The following GPD2 variants were observed in gnomAD, a reference collection of about 807,000 sequenced individuals.
GPD2 encodes the protein glycerol-3-phosphate dehydrogenase 2.
GPD2 carries 54 observed loss-of-function variants against 82.4 expected under a neutral mutation model. That is an observed-to-expected ratio of 0.66 (90% CI 0.53 to 0.82). GPD2 has a LOEUF of 0.82. GPD2 is among the 40% of genes least tolerant of loss of function. GPD2 has a pLI of 0.00. For synonymous variants in GPD2, 288 were observed against 306.1 expected (o/e 0.94, Z 0.62); for missense variants, 748 against 896.2 (o/e 0.83, Z 2.11).
chr2:156,584,229 A>T lies in GPD2; in HGVS notation c.*1311A>T, dbSNP rs1574028531. On this transcript the variant is annotated 3_prime_UTR_variant, in exon 17 of 17. Transcript: ENST00000438166. ...GGTGGCATTTTAACTAGTTATCTGA[A>T]TATTTATTAATCGTACTTCCTCTTG... 6.6e-6 allele frequency: 1 copy of T among 151,986 alleles called. No individual in the cohort carries two copies. Among genetic ancestry groups the T allele is most frequent in the Non-Finnish European group, 1.5e-5 (1 of 67,944 alleles). 9.4% of individuals were successfully genotyped at this position (151,986 alleles called of 1,614,324 possible).
intron 2 of GPD2, among the ~76,000 whole-genome samples, chr2:156,489,790 TC>T (rs1684101045): frequency 2.4e-4 from 1 of 4,222 alleles, no homozygotes; most frequent in East Asian, 6.4e-3. Context: ...TCCCCTCCGC[TC>T]CCCTTCCTTC....
chr2:156,493,987 G>A (rs1270797344), intron 2 of GPD2, among the ~76,000 whole-genome samples: 1 of 145,390 alleles, frequency 6.9e-6, no homozygotes, highest in East Asian at 2.1e-4. Context: ...TAGATGGAAG[G>A]CAAAGACCAT....
upstream of GPD2, chr2:156,435,616 G>T (rs1433052350): frequency 6.6e-6 from 1 of 152,298 alleles, no homozygotes; most frequent in Non-Finnish European, 1.5e-5. Flanking sequence ...ACATTCAGGC[G>T]GGGAGCCAGG....
At chr2:156,461,787 T>G (rs1558910158) in intron 1 of GPD2, among the ~76,000 whole-genome samples, 1 of 152,232 alleles carries the variant, frequency 6.6e-6, no homozygotes, top group Non-Finnish European at 1.5e-5. Flanking sequence ...TTTTTGTCTT[T>G]TCCAATCCAT....
chr2:156,470,358 G>A (rs1178075092), intron 1 of GPD2, among the ~76,000 whole-genome samples: 1 of 151,972 alleles, frequency 6.6e-6, no homozygotes, highest in East Asian at 1.9e-4. Flanking sequence ...ACCATGCCCA[G>A]CTAATTTTTA....
intron 8 of GPD2, among the ~76,000 whole-genome samples, chr2:156,555,188 T>C (rs925039876): frequency 1.3e-5 from 2 of 152,228 alleles, no homozygotes; most frequent in Non-Finnish European, 2.9e-5. Context: ...ATACCATTCG[T>C]TAATAGCTTT....
intron 2 of GPD2, among the ~76,000 whole-genome samples, chr2:156,493,172 A>G (rs1342347758): frequency 6.6e-6 from 1 of 152,154 alleles, no homozygotes; most frequent in African/African-American, 2.4e-5. Context: ...AAGGAAGCTA[A>G]GAGAGAGTGG....
intron 9 of GPD2, among the ~76,000 whole-genome samples, chr2:156,558,868 G>A (rs146285356): frequency 0.016 from 2,352 of 145,848 alleles, 44 homozygotes; most frequent in Non-Finnish European, 0.02. Flanking sequence ...CACCGGCCTC[G>A]GCCTCCCAAA....
At chr2:156,560,988 T>C (rs909543172) in intron 9 of GPD2, among the ~76,000 whole-genome samples, 7 of 147,484 alleles carry the variant, frequency 4.7e-5, no homozygotes, top group African/African-American at 1.7e-4. Context: ...ATGAGATTTA[T>C]TTAATAAGTC....
At chr2:156,418,212 C>G in the GPD2 span, among the ~76,000 whole-genome samples, 1 of 141,444 alleles carries the variant, frequency 7.1e-6, no homozygotes, top group African/African-American at 2.5e-5. Flanking sequence ...AAGACTCCGT[C>G]TCAAAAGGAA....
intron 6 of GPD2, among the ~76,000 whole-genome samples, chr2:156,541,824 G>GTT (rs61067726): frequency 0.053 from 4,327 of 81,244 alleles, 473 homozygotes; most frequent in African/African-American, 0.11. Context: ...AATGCTGTTT[G>GTT]TTTTTTTTTT....
chr2:156,520,791 G>T (rs946875706), intron 6 of GPD2, among the ~76,000 whole-genome samples: 7 of 152,036 alleles, frequency 4.6e-5, no homozygotes, highest in African/African-American at 1.4e-4. Context: ...TCACCATGTT[G>T]CCCAGGGTGG....
At chr2:156,489,377 C>T (rs1479691083) in intron 2 of GPD2, among the ~76,000 whole-genome samples, 6 of 152,204 alleles carry the variant, frequency 3.9e-5, no homozygotes, top group Admixed American at 3.9e-4. Flanking sequence ...ACATGCTCTT[C>T]CCACTTCCTT....
At chr2:156,410,922 ATT>A in the GPD2 span, among the ~76,000 whole-genome samples, 2 of 152,220 alleles carry the variant, frequency 1.3e-5, no homozygotes, top group Non-Finnish European at 2.9e-5. Flanking sequence ...GGAACACTCC[ATT>A]TGGTCAATTA....
chr2:156,489,503 C>T lies in GPD2; in HGVS notation c.103-6541C>T, dbSNP rs552050887. On this transcript the variant is annotated intron_variant, in intron 2 of 16. Transcript: ENST00000438166. ...GAGGTGCCTCCTGTGGCTCTTGTAG[C>T]CTCTTTTCTATGCCTATATCCACTT... is the stretch of plus-strand genomic sequence containing the variant. 2.6e-5 allele frequency among the ~76,000 whole-genome samples: 4 copies of T among 152,170 alleles called. No homozygotes were observed. In the South Asian group the frequency reaches 8.3e-4, roughly 32 times the overall value.
At chr2:156,507,985 C>T (rs1684847628) in intron 3 of GPD2, among the ~76,000 whole-genome samples, 1 of 152,086 alleles carries the variant, frequency 6.6e-6, no homozygotes, top group African/African-American at 2.4e-5. Flanking sequence ...CTGATGACTC[C>T]ATCCCCAGGT....
In GPD2 at chr2:156,501,696, A is replaced by T. The variant is rs148960669; in HGVS notation, c.274+5481A>T. On this transcript the variant is annotated intron_variant, in intron 3 of 16. Coordinates refer to ENST00000438166, the MANE Select transcript of GPD2 (RefSeq NM_000408.5). ...TAAAAGTTTGCTCTTTGCTGGACAC[A>T]GCTAATTAGACTAGATTGCAAATTT... The T allele has an allele frequency of 3.6e-3, 605 of 168,698 alleles. 3 individuals carry two copies. Among genetic ancestry groups the T allele is most frequent in the African/African-American group, 0.014 (579 of 41,652 alleles). 10.5% of individuals were successfully genotyped at this position (168,698 alleles called of 1,614,324 possible). A position where few individuals can be genotyped will look rare whatever the true frequency, so the allele number is the denominator to read the frequency against.
At chr2:156,473,686 A>C (rs1274196222) in intron 1 of GPD2, 2 of 152,238 alleles carry the variant, frequency 1.3e-5, no homozygotes, top group Non-Finnish European at 2.9e-5. Context: ...CAGTTGTCAG[A>C]GGAACCCAGT....
At chr2:156,414,496 C>A in the GPD2 span, among the ~76,000 whole-genome samples, 9 of 152,210 alleles carry the variant, frequency 5.9e-5, no homozygotes, top group Admixed American at 5.2e-4. Flanking sequence ...ATAGATATAT[C>A]TAAATGTGTT....
Sources: allele counts gnomAD v4.1 joint callset (sites outside exome capture counted in the v4.1 genomes callset), GRCh38; gene constraint gnomAD v4.1.1; transcripts MANE v1.5; gene names NCBI Gene and HGNC (gene_info 2026-07-23, HGNC 2026-07-21).